The following MTF2 variants were observed in gnomAD, a reference collection of about 807,000 sequenced individuals.
MTF2 encodes metal-response element-binding transcription factor 2.
A neutral mutation model predicts 79.5 loss-of-function variants in MTF2; 11 were observed. The observed-to-expected ratio is 0.14, with a 90% CI of 0.09 to 0.23. The LOEUF (loss-of-function observed/expected upper bound fraction) is 0.23, where lower values mean the gene tolerates loss of function less well. Among genes scored for constraint, MTF2 ranks in the 10% least tolerant of loss-of-function variants. The pLI is 1.00. For synonymous variants in MTF2, 208 were observed against 232.8 expected (o/e 0.89, Z 0.97); for missense variants, 486 against 711.2 (o/e 0.68, Z 3.60).
At chr1:93,111,626 T>A (rs1656031853) in intron 3 of MTF2, among the ~76,000 whole-genome samples, 1 of 152,136 alleles carries the variant, frequency 6.6e-6, no homozygotes. Context: ...AAGTAGCTTT[T>A]ACTCTGGTAA....
chr1:93,134,445 AC>A, intron 14 of MTF2: 1 of 415,818 alleles, frequency 2.4e-6, no homozygotes, highest in Non-Finnish European at 4.3e-6. Context: ...GAAAAAGTAT[AC>A]CATTGTTTAG....
At chr1:93,086,826 C>G (rs375981489) in intron 1 of MTF2, among the ~76,000 whole-genome samples, 3 of 152,076 alleles carry the variant, frequency 2.0e-5, no homozygotes, top group Admixed American at 6.6e-5. Flanking sequence ...TGAACTTTTT[C>G]TTGTTGTTTC....
chr1:93,089,933 T>C (rs1655003399), intron 1 of MTF2, among the ~76,000 whole-genome samples: 1 of 151,524 alleles, frequency 6.6e-6, no homozygotes, highest in Admixed American at 6.6e-5. Context: ...CAACCTCAGC[T>C]TCCAGAGTAG....
chr1:93,110,488 T>G, intron 2 of MTF2, 57 bp from the exon 3 acceptor site: 1 of 1,603,770 alleles, frequency 6.2e-7, no homozygotes, highest in East Asian at 2.2e-5. Flanking sequence ...AATCTTAAAT[T>G]TAACTTCATG....
intron 14 of MTF2, 88 bp from the exon 15 acceptor site, chr1:93,136,582 T>C: frequency 1.9e-6 from 2 of 1,058,366 alleles, no homozygotes. Flanking sequence ...TATGGTATAG[T>C]AGAGTAATCC....
At chr1:93,084,611 A>G (rs1447354403) in intron 1 of MTF2, among the ~76,000 whole-genome samples, 1 of 152,190 alleles carries the variant, frequency 6.6e-6, no homozygotes, top group African/African-American at 2.4e-5. Context: ...ATTAACATCT[A>G]TGAACATGGG....
chr1:93,083,988 G>A (rs1366131215), intron 1 of MTF2, among the ~76,000 whole-genome samples: 1 of 151,892 alleles, frequency 6.6e-6, no homozygotes, highest in African/African-American at 2.4e-5. Context: ...CCCCCATCCT[G>A]TGCATTATCT....
intron 6 of MTF2, among the ~76,000 whole-genome samples, chr1:93,118,033 A>G (rs986652363): frequency 2.0e-5 from 3 of 152,158 alleles, no homozygotes; most frequent in Non-Finnish European, 4.4e-5. Flanking sequence ...TTAAAAAAAA[A>G]TAGCCTAGGC....
intron 3 of MTF2, among the ~76,000 whole-genome samples, chr1:93,113,341 C>T (rs1482621681): frequency 6.6e-6 from 1 of 152,020 alleles, no homozygotes; most frequent in Non-Finnish European, 1.5e-5. Flanking sequence ...GGCTGTGCCA[C>T]TGCACTCCAG....
intron 3 of MTF2, among the ~76,000 whole-genome samples, chr1:93,113,389 A>G (rs956442523): frequency 3.9e-5 from 6 of 152,140 alleles, no homozygotes; most frequent in Admixed American, 1.3e-4. Context: ...GAGGGGAAAA[A>G]TAAAAGGAAG....
intron 9 of MTF2, chr1:93,120,971 G>T: frequency 9.2e-7 from 1 of 1,085,148 alleles, no homozygotes. Flanking sequence ...GAAATCTTTA[G>T]TATTGGGTAT....
intron 14 of MTF2, among the ~76,000 whole-genome samples, chr1:93,134,848 A>T (rs1481933227): frequency 1.3e-5 from 2 of 152,036 alleles, no homozygotes; most frequent in Non-Finnish European, 1.5e-5. Flanking sequence ...AAAAAAAAAA[A>T]AAATCAGACA....
At position 93,129,272 on chromosome 1, in the gene MTF2, A is replaced by C; in HGVS notation, c.990-6A>C. ...AAAATTTTAGTTAATTTTTTTAAAA[A>C]TTTAGGTTTATGTCTGGGAAAGAAA... is the stretch of plus-strand genomic sequence containing the variant. On this transcript the variant is annotated splice_region_variant and splice_polypyrimidine_tract_variant and intron_variant, in intron 10 of 14. Transcript: ENST00000370298. 1.3e-6 allele frequency: 2 copies of C among 1,529,932 alleles called. No homozygotes were observed. The highest frequency in any genetic ancestry group is 1.8e-6 in the Non-Finnish European group (2 of 1,133,644). The allele number at this position is 1,529,932 out of a possible 1,614,324, so 94.8% of individuals were successfully genotyped here. A position where few individuals can be genotyped will look rare whatever the true frequency, so the allele number is the denominator to read the frequency against.
intron 1 of MTF2, among the ~76,000 whole-genome samples, chr1:93,095,838 TAG>T (rs1655267515): frequency 6.6e-6 from 1 of 151,718 alleles, no homozygotes; most frequent in Admixed American, 6.6e-5. Context: ...GTATTTTTAG[TAG>T]AGATGGGGTT....
intron 10 of MTF2, 110 bp downstream of exon 10, chr1:93,127,409 A>G: frequency 1.5e-6 from 1 of 674,212 alleles, no homozygotes; most frequent in East Asian, 2.8e-5. Flanking sequence ...AGTCTATACC[A>G]TTTTAAACTT....
In MTF2 at chr1:93,079,461, G is replaced by T; in HGVS notation, c.-66G>T. ...GTAAGTGCTCGGACTCGCAGGGGAA[G>T]CGCCCACGGGGACGGATTGGTTGTT... On this transcript the variant is annotated 5_prime_UTR_variant, in exon 1 of 15. Transcript: ENST00000370298. 6.2e-7 allele frequency: 1 copy of T among 1,610,662 alleles called. No individual in the cohort carries two copies. Among genetic ancestry groups the T allele is most frequent in the African/African-American group, 1.3e-5 (1 of 74,998 alleles).
intron 1 of MTF2, among the ~76,000 whole-genome samples, chr1:93,095,732 T>C (rs1160604911): frequency 6.6e-6 from 1 of 150,640 alleles, no homozygotes; most frequent in African/African-American, 2.5e-5. Flanking sequence ...CTCAGCTCAG[T>C]GCAACCTCCA....
At chr1:93,098,481 G>T (rs1260555643) in intron 1 of MTF2, among the ~76,000 whole-genome samples, 3 of 152,126 alleles carry the variant, frequency 2.0e-5, no homozygotes, top group Non-Finnish European at 4.4e-5. Context: ...GCATATAGCA[G>T]GCATTGTATA....
chr1:93,113,937 A>T (rs1031076808), intron 3 of MTF2, among the ~76,000 whole-genome samples: 1 of 152,164 alleles, frequency 6.6e-6, no homozygotes, highest in African/African-American at 2.4e-5. Context: ...CTGCTGAAAC[A>T]GACAAGATGA....
Sources: gnomAD v4.1 joint callset for allele counts (sites outside exome capture counted in the v4.1 genomes callset) on GRCh38, gnomAD v4.1.1 for gene constraint, MANE v1.5 for transcripts, NCBI Gene and HGNC (gene_info 2026-07-23, HGNC 2026-07-21) for gene names.